DST: variants seen among roughly 807,000 people sequenced by gnomAD.
The protein encoded by DST is dystonin.
A neutral mutation model predicts 875.2 loss-of-function variants in DST; 253 were observed. The ratio of observed to expected loss-of-function variants is 0.29; its 90% CI spans 0.26 to 0.32. DST has a LOEUF of 0.32. DST is among the 10% of genes least tolerant of loss of function. The pLI, the probability that DST is intolerant of heterozygous loss-of-function variation, is 1.00. For synonymous variants in DST, 3,124 were observed against 3,197.1 expected (o/e 0.98, Z 0.77); for missense variants, 8,287 against 9,111.6 (o/e 0.91, Z 3.68).
Position 56,501,237 on chromosome 6 carries a change from T to C in DST, c.19741-2A>G. 1 of 1,575,212 alleles carries C rather than the reference T, an allele frequency of 6.3e-7. No homozygotes were observed. Among genetic ancestry groups the C allele is most frequent in the Non-Finnish European group, 8.6e-7 (1 of 1,168,236 alleles). ...TAATAGAGCACCCTCCAGTTTATGC[T>C]ACAGAAAAAGTGGAAAGAAAATCCA... On this transcript the variant is annotated splice_acceptor_variant, in intron 79 of 103. Transcript: ENST00000680361. LOFTEE classifies it high-confidence loss of function.
At position 56,553,199 on chromosome 6, in the gene DST, G is replaced by A; in HGVS notation, c.15593C>T (p.Pro5198Leu). The A allele has an allele frequency of 6.2e-7, 1 of 1,613,944 alleles. No homozygotes were observed. Among genetic ancestry groups the A allele is most frequent in the East Asian group, 2.2e-5 (1 of 44,876 alleles). Residue 5198 changes from proline to leucine, a missense_variant, in exon 61 of 104, where the codon CCT (proline) becomes CTT (leucine). Physicochemically the swap from Pro to Leu is moderately conservative, Grantham distance 98. Around this residue, in one of 10 missense-constraint regions of DST, gnomAD observed 1,513 missense variants for 1,677.8 expected, o/e 0.90. Transcript: ENST00000680361. ...NLEEIKFCLD[P>L]AEGENSIAKL... ...GGCAATAGAATTCTCTCCTTCAGCA[G>A]GATCCAAGCAAAATTTTATTTCCTC...
intron 49 of DST, among the ~76,000 whole-genome samples, chr6:56,583,458 G>A (rs532471862): frequency 1.3e-5 from 2 of 152,022 alleles, no homozygotes; most frequent in East Asian, 1.9e-4. Flanking sequence ...TTTTTTTCCC[G>A]TAAATTTGTT....
At chr6:56,843,133 G>C (rs1388612884) in intron 4 of DST, 1 of 1,567,756 alleles carries the variant, frequency 6.4e-7, no homozygotes, top group African/African-American at 1.3e-5. Context: ...GCAGGGGAGA[G>C]GTAACCCGCC....
intron 4 of DST, among the ~76,000 whole-genome samples, chr6:56,786,065 C>T (rs1564174417): frequency 6.6e-6 from 1 of 152,146 alleles, no homozygotes; most frequent in Non-Finnish European, 1.5e-5. Flanking sequence ...GCACCTAACT[C>T]AGAAGCTGTC....
chr6:56,653,511 C>G (rs557087635), intron 10 of DST, among the ~76,000 whole-genome samples: 61 of 152,016 alleles, frequency 4.0e-4, no homozygotes, highest in Middle Eastern at 3.4e-3. Context: ...ATGGCGAAAC[C>G]CTGTCTCTAC....
chr6:56,938,108 C>CTCTCTCTCTCTCTCTCTCTCTCTCTA, intron 2 of DST, among the ~76,000 whole-genome samples: 1 of 120,754 alleles, frequency 8.3e-6, no homozygotes, highest in African/African-American at 3.5e-5. Context: ...CTCTCTCTCT[C>CTCTCTCTCTCTCTCTCTCTCTCTCTA]TATATATATA....
At position 56,793,858 on chromosome 6, in the gene DST, A is replaced by G. The variant is rs1232573017; in HGVS notation, c.625+57539T>C. 3.3e-5 allele frequency among the ~76,000 whole-genome samples: 5 copies of G among 152,342 alleles called. No homozygotes were observed. The East Asian group carries it at 9.6e-4, about 29-fold the overall frequency. ...TTATATTTTAAATGCACAATAAAAG[A>G]ATGAAAATGAGTTATAATTTCTCAA... On this transcript the variant is annotated intron_variant, in intron 4 of 103. Coordinates refer to ENST00000680361, the MANE Select transcript of DST (RefSeq NM_001374736.1).
At chr6:56,868,524 G>T (rs1457409113) in intron 3 of DST, among the ~76,000 whole-genome samples, 1 of 151,994 alleles carries the variant, frequency 6.6e-6, no homozygotes, top group Non-Finnish European at 1.5e-5. Flanking sequence ...TAAGAAAACA[G>T]AAAATACCCT....
At chr6:56,841,446 C>T (rs1379625883) in intron 4 of DST, among the ~76,000 whole-genome samples, 2 of 152,190 alleles carry the variant, frequency 1.3e-5, no homozygotes, top group East Asian at 3.8e-4. Flanking sequence ...AAGGGCAATA[C>T]TGATTGTTGT....
chr6:56,779,989 C>T (rs1398816574), intron 4 of DST, among the ~76,000 whole-genome samples: 3 of 147,206 alleles, frequency 2.0e-5, no homozygotes, highest in African/African-American at 5.1e-5. Context: ...GGTTTTTTGT[C>T]CTTGAGATAG....
intron 10 of DST, 129 bp downstream of exon 10, chr6:56,670,512 A>G: frequency 1.3e-6 from 1 of 796,500 alleles, no homozygotes; most frequent in East Asian, 3.1e-5. Flanking sequence ...TTTTTATTTT[A>G]ATTTTTCTGT....
chr6:56,556,808 C>T (rs2097428426), intron 59 of DST, among the ~76,000 whole-genome samples: 1 of 152,118 alleles, frequency 6.6e-6, no homozygotes, highest in Admixed American at 6.6e-5. Flanking sequence ...CTAACTAACA[C>T]CCTGGGTTTC....
intron 4 of DST, among the ~76,000 whole-genome samples, chr6:56,739,384 T>C (rs1031369363): frequency 1.3e-5 from 2 of 152,162 alleles, no homozygotes; most frequent in Non-Finnish European, 2.9e-5. Context: ...AGAAACAATT[T>C]ACTAGTTCTC....
At chr6:56,705,559 T>A (rs1588942738) in intron 5 of DST, among the ~76,000 whole-genome samples, 2 of 152,246 alleles carry the variant, frequency 1.3e-5, no homozygotes, top group African/African-American at 4.8e-5. Context: ...TCTCTCTATA[T>A]ATATGTTTTA....
intron 9 of DST, chr6:56,693,376 A>C: frequency 8.9e-7 from 1 of 1,120,064 alleles, no homozygotes; most frequent in Non-Finnish European, 1.1e-6. Context: ...ACTGTGGCTT[A>C]TTTCTGGCCA....
chr6:56,573,107 A>G, intron 51 of DST, 43 bp from the exon 52 acceptor site: 1 of 1,423,722 alleles, frequency 7.0e-7, no homozygotes, highest in Non-Finnish European at 9.3e-7. Context: ...TATGATGCTT[A>G]TAAATAATGT....
intron 4 of DST, among the ~76,000 whole-genome samples, chr6:56,778,629 T>C (rs199706381): frequency 2.7e-5 from 4 of 148,542 alleles, no homozygotes; most frequent in Non-Finnish European, 5.9e-5. Flanking sequence ...TGAGAACATG[T>C]GGTGTTTGGT....
chr6:56,789,382 T>G (rs1231473859), intron 4 of DST, among the ~76,000 whole-genome samples: 2 of 152,186 alleles, frequency 1.3e-5, no homozygotes, highest in Non-Finnish European at 2.9e-5. Flanking sequence ...TATATGCATA[T>G]GTACACACCT....
chr6:56,611,287 C>T (rs2098542256), intron 38 of DST, among the ~76,000 whole-genome samples: 1 of 152,030 alleles, frequency 6.6e-6, no homozygotes, highest in Non-Finnish European at 1.5e-5. Flanking sequence ...GTTTCCTTAT[C>T]GGTAATACAT....
Sources: gnomAD v4.1 joint callset for allele counts (sites outside exome capture counted in the v4.1 genomes callset) on GRCh38, gnomAD v4.1.1 for gene constraint, gnomAD v4.1.1 regional missense constraint, MANE v1.5 for transcripts, NCBI Gene and HGNC (gene_info 2026-07-23, HGNC 2026-07-21) for gene names.